Variants in UNC79 observed in about 807,000 individuals in gnomAD.
UNC79 encodes protein unc-79 homolog.
In UNC79, 37 loss-of-function variants were observed where a neutral mutation model predicts 283.1. That is an observed-to-expected ratio of 0.13 (90% CI 0.10 to 0.17). The LOEUF is 0.17. Ranked by LOEUF, UNC79 falls within the 10% of genes least tolerant of loss-of-function variation. The probability of loss-of-function intolerance (pLI) is 1.00; values close to 1 mark genes in which losing one functional copy is unlikely to be tolerated. For synonymous variants in UNC79, 1,107 were observed against 1,200.2 expected, an observed-to-expected ratio of 0.92 and a Z score of 1.61; for missense variants, 2,272 against 3,211.1, an observed-to-expected ratio of 0.71 and a Z score of 7.07.
chr14:93,416,694 T>A (rs1003274257), intron 1 of UNC79, among the ~76,000 whole-genome samples: 1 of 152,166 alleles, frequency 6.6e-6, no homozygotes, highest in African/African-American at 2.4e-5. Flanking sequence ...GCTTTATGAA[T>A]CTGGGTGCTC....
intron 7 of UNC79, among the ~76,000 whole-genome samples, chr14:93,502,382 C>T (rs970995955): frequency 6.6e-6 from 1 of 152,040 alleles, no homozygotes; most frequent in Admixed American, 6.5e-5. Flanking sequence ...CACTGCACTC[C>T]AGCCTGGGTG....
chr14:93,337,909 C>G (rs151268756), intron 1 of UNC79, among the ~76,000 whole-genome samples: 206 of 152,200 alleles, frequency 1.4e-3, no homozygotes, highest in Non-Finnish European at 1.9e-3. Context: ...TGTGGTATGT[C>G]TGGTCCAGCT....
intron 4 of UNC79, among the ~76,000 whole-genome samples, chr14:93,486,183 A>G (rs2058418769): frequency 1.3e-5 from 2 of 152,166 alleles, no homozygotes; most frequent in Non-Finnish European, 2.9e-5. Flanking sequence ...TGAGGGTTTT[A>G]TGCTGTCTGC....
chr14:93,370,375 A>G (rs1232257626), intron 1 of UNC79, among the ~76,000 whole-genome samples: 1 of 151,678 alleles, frequency 6.6e-6, no homozygotes, highest in Non-Finnish European at 1.5e-5. Context: ...GAGCCAAAAA[A>G]AAGTGCTAGG....
chr14:93,628,430 T>A (rs2067737399), intron 30 of UNC79, among the ~76,000 whole-genome samples: 1 of 152,250 alleles, frequency 6.6e-6, no homozygotes, highest in Non-Finnish European at 1.5e-5. Context: ...TGCGATGCCC[T>A]ACTCTCCAGC....
chr14:93,649,685 A>G (rs1354910208), intron 35 of UNC79, among the ~76,000 whole-genome samples: 1 of 152,212 alleles, frequency 6.6e-6, no homozygotes, highest in Non-Finnish European at 1.5e-5. Flanking sequence ...AATCAAGCTA[A>G]TTAACATATC....
chr14:93,672,406 C>T (rs2072958053), intron 40 of UNC79, among the ~76,000 whole-genome samples: 1 of 152,010 alleles, frequency 6.6e-6, no homozygotes, highest in Non-Finnish European at 1.5e-5. Flanking sequence ...TGAAATAATC[C>T]AGGCACAGAA....
At chr14:93,607,243 C>A (rs1231569975) in intron 26 of UNC79, among the ~76,000 whole-genome samples, 3 of 152,178 alleles carry the variant, frequency 2.0e-5, no homozygotes, top group Admixed American at 6.5e-5. Context: ...CTAATGGTAT[C>A]AATCCCATGT....
intron 1 of UNC79, among the ~76,000 whole-genome samples, chr14:93,450,503 A>G (rs547433806): frequency 1.9e-4 from 29 of 152,274 alleles, no homozygotes; most frequent in African/African-American, 7.0e-4. Context: ...GAAAGGATGC[A>G]TCTATGAATG....
intron 1 of UNC79, among the ~76,000 whole-genome samples, chr14:93,461,284 G>C (rs1293328969): frequency 6.6e-6 from 1 of 152,126 alleles, no homozygotes; most frequent in African/African-American, 2.4e-5. Context: ...AATTTTTAGT[G>C]ACATAGGAAA....
At chr14:93,588,101 C>A (rs754400686) in intron 22 of UNC79, among the ~76,000 whole-genome samples, 1 of 151,374 alleles carries the variant, frequency 6.6e-6, no homozygotes, top group Non-Finnish European at 1.5e-5. Context: ...TTTATTTTGC[C>A]GGATGGTGTG....
intron 1 of UNC79, among the ~76,000 whole-genome samples, chr14:93,466,262 T>A (rs1399576770): frequency 3.9e-5 from 6 of 152,230 alleles, no homozygotes; most frequent in Non-Finnish European, 7.3e-5. Flanking sequence ...AAGGCAAATC[T>A]GATAAATAGT....
intron 38 of UNC79, 56 bp downstream of exon 41, chr14:93,655,463 T>G: frequency 6.3e-7 from 1 of 1,585,842 alleles, no homozygotes; most frequent in African/African-American, 1.4e-5. Context: ...TTCAGACCGT[T>G]TATTTACAAG....
chr14:93,453,772 A>G, intron 1 of UNC79, among the ~76,000 whole-genome samples: 1 of 152,228 alleles, frequency 6.6e-6, no homozygotes, highest in Admixed American at 6.5e-5. Flanking sequence ...ATAGATTTTC[A>G]TATTCTGTTT....
At chr14:93,681,806 T>C (rs1183953375) in intron 41 of UNC79, among the ~76,000 whole-genome samples, 1 of 152,360 alleles carries the variant, frequency 6.6e-6, no homozygotes, top group Non-Finnish European at 1.5e-5. Flanking sequence ...GAGTGCTGCA[T>C]TAAGTGAGAA....
chr14:93,586,929 GT>G, intron 22 of UNC79, 21 bp downstream of exon 22: 1 of 1,609,772 alleles, frequency 6.2e-7, no homozygotes, highest in Non-Finnish European at 8.5e-7. Flanking sequence ...CTAATGGTTT[GT>G]TTTGATTGTT....
At chr14:93,517,417 A>G (rs569380858) in intron 7 of UNC79, among the ~76,000 whole-genome samples, 2 of 140,046 alleles carry the variant, frequency 1.4e-5, no homozygotes, top group East Asian at 2.1e-4. Context: ...ATCTTTGGGG[A>G]GAGTATTTGG....
chr14:93,524,101 A>C, intron 8 of UNC79, 59 bp downstream of exon 8: 1 of 1,578,390 alleles, frequency 6.3e-7, no homozygotes, highest in South Asian at 1.1e-5. Context: ...TTGCTGAATG[A>C]AGTGGAGTAG....
rs1457552629 is a variant in UNC79 at position 93,690,726 on chromosome 14, A to ACAAAATG, written c.7272+424_7272+430dup. On this transcript the variant is annotated intron_variant, in intron 45 of 48. Transcript: ENST00000555664. The surrounding 1 kb of genome is among the most constrained non-coding windows in gnomAD (Gnocchi z 4.3). ...GAAATCTCTAGAGATACAGGAAAAT[A>ACAAAATG]CAAAATGAAAACAAGAAGGCCAGTT... is the stretch of plus-strand genomic sequence containing the variant. 1 of 167,164 alleles carries ACAAAATG rather than the reference A, an allele frequency of 6.0e-6. No individual in the cohort carries two copies. Among genetic ancestry groups the ACAAAATG allele is most frequent in the Non-Finnish European group, 1.3e-5 (1 of 77,856 alleles). 10.4% of individuals were successfully genotyped at this position (167,164 alleles called of 1,614,324 possible). A position where few individuals can be genotyped will look rare whatever the true frequency, so the allele number is the denominator to read the frequency against.
Sources: allele counts gnomAD v4.1 joint callset (sites outside exome capture counted in the v4.1 genomes callset), GRCh38; gene constraint gnomAD v4.1.1; non-coding constraint Gnocchi (gnomAD v3.1); transcripts MANE v1.5; gene names NCBI Gene and HGNC (gene_info 2026-07-23, HGNC 2026-07-21).